PDE4D: variants seen among roughly 807,000 people sequenced by gnomAD.
The protein encoded by PDE4D is phosphodiesterase 4D.
A neutral mutation model predicts 87.4 loss-of-function variants in PDE4D; 24 were observed. The ratio of observed to expected loss-of-function variants is 0.27; its 90% CI spans 0.20 to 0.39. PDE4D has a LOEUF of 0.39. PDE4D is among the 10% of genes least tolerant of loss of function. PDE4D has a pLI of 1.00. For synonymous variants in PDE4D, 384 were observed against 383.2 expected (o/e 1.00, Z -0.02); for missense variants, 714 against 1,041.0 (o/e 0.69, Z 4.32).
chr5:59,708,368 G>C (rs1753747253), intron 1 of PDE4D, among the ~76,000 whole-genome samples: 1 of 152,160 alleles, frequency 6.6e-6, no homozygotes, highest in African/African-American at 2.4e-5. Flanking sequence ...GAAAAATCAA[G>C]GAATACAGGA....
At chr5:59,608,667 T>C (rs1020208271) in intron 1 of PDE4D, among the ~76,000 whole-genome samples, 1 of 152,164 alleles carries the variant, frequency 6.6e-6, no homozygotes, top group Admixed American at 6.6e-5. Context: ...AGCCAAGATT[T>C]ACATAAGAGT....
chr5:59,697,453 T>C (rs1359884887), intron 1 of PDE4D, among the ~76,000 whole-genome samples: 1 of 152,094 alleles, frequency 6.6e-6, no homozygotes, highest in East Asian at 1.9e-4. Flanking sequence ...ACAGGAACTT[T>C]CTATGTTCTA....
At chr5:59,345,513 G>A (rs1358031609) in intron 1 of PDE4D, among the ~76,000 whole-genome samples, 1 of 152,094 alleles carries the variant, frequency 6.6e-6, no homozygotes, top group African/African-American at 2.4e-5. Context: ...TCTTATTTTA[G>A]TCACTTAATT....
chr5:59,157,630 A>C (rs1286489256), intron 5 of PDE4D, among the ~76,000 whole-genome samples: 1 of 152,254 alleles, frequency 6.6e-6, no homozygotes, highest in East Asian at 1.9e-4. Flanking sequence ...AATGAGAAGA[A>C]TGTATATTGG....
intron 2 of PDE4D, among the ~76,000 whole-genome samples, chr5:59,202,768 A>C (rs372655711): frequency 9.2e-5 from 14 of 152,162 alleles, no homozygotes; most frequent in East Asian, 7.7e-4. Context: ...TAAGATGTGA[A>C]TTGCTCCTCC....
chr5:59,311,278 G>A (rs1158507973), intron 1 of PDE4D, among the ~76,000 whole-genome samples: 10 of 152,078 alleles, frequency 6.6e-5, no homozygotes, highest in African/African-American at 2.4e-4. Context: ...TATAATTCCA[G>A]CACTTTATGA....
chr5:60,365,983 G>T (rs1760504220), intron 1 of PDE4D, among the ~76,000 whole-genome samples: 1 of 150,586 alleles, frequency 6.6e-6, no homozygotes, highest in African/African-American at 2.5e-5. Context: ...GGCAGAGGTT[G>T]CAGTGAGCCA....
chr5:59,669,603 C>T (rs1746848805), intron 1 of PDE4D, among the ~76,000 whole-genome samples: 1 of 152,136 alleles, frequency 6.6e-6, no homozygotes, highest in African/African-American at 2.4e-5. Flanking sequence ...CTATGGCATG[C>T]TGGACATAAT....
chr5:59,140,621 C>T (rs1265291367), intron 5 of PDE4D, among the ~76,000 whole-genome samples: 1 of 152,116 alleles, frequency 6.6e-6, no homozygotes, highest in Admixed American at 6.5e-5. Flanking sequence ...AGGTTAGAAA[C>T]AATTTTTAAG....
chr5:59,132,384 G>A (rs1297926327), intron 5 of PDE4D, among the ~76,000 whole-genome samples: 6 of 152,226 alleles, frequency 3.9e-5, no homozygotes, highest in Admixed American at 2.0e-4. Context: ...AGTTTTCGTA[G>A]AAATATAGTT....
intron 1 of PDE4D, among the ~76,000 whole-genome samples, chr5:59,756,556 G>A (rs543838394): frequency 1.1e-5 from 1 of 93,726 alleles, no homozygotes; most frequent in East Asian, 2.3e-4. Flanking sequence ...ACTGAGTCAT[G>A]GTGACAAAGT....
Position 59,428,061 on chromosome 5 carries a change from T to C in PDE4D, c.456-212093A>G, listed in dbSNP as rs1256047114. Among the ~76,000 whole-genome samples, 8 of 152,164 alleles carry C rather than the reference T, an allele frequency of 5.3e-5. No individual in the cohort carries two copies. The East Asian group carries it at 1.3e-3, about 26-fold the overall frequency. On this transcript the variant is annotated intron_variant, in intron 1 of 14. Coordinates refer to ENST00000340635, the MANE Select transcript of PDE4D (RefSeq NM_001104631.2). ...TTAAGATTTAGTATGTTAACTGCTTTCTTGATGTCTTCATTGCTGCTCTTG... is the reference window on the plus strand; with the variant it reads ...TTAAGATTTAGTATGTTAACTGCTTCCTTGATGTCTTCATTGCTGCTCTTG...
At chr5:59,559,247 T>C (rs1819517696) in intron 1 of PDE4D, among the ~76,000 whole-genome samples, 1 of 152,234 alleles carries the variant, frequency 6.6e-6, no homozygotes, top group Admixed American at 6.5e-5. Context: ...AATATTGATT[T>C]ATTGAAAATA....
chr5:59,469,448 AAAC>A (rs1246238122), intron 1 of PDE4D, among the ~76,000 whole-genome samples: 4 of 152,216 alleles, frequency 2.6e-5, no homozygotes, highest in African/African-American at 9.6e-5. Context: ...AATAAGTGGC[AAAC>A]ATCAGTAGTT....
chr5:59,010,914 T>C (rs796860223), intron 6 of PDE4D, among the ~76,000 whole-genome samples: 4 of 152,232 alleles, frequency 2.6e-5, no homozygotes, highest in African/African-American at 7.2e-5. Flanking sequence ...TGACACCTCA[T>C]ACAGCCAGAT....
intron 2 of PDE4D, among the ~76,000 whole-genome samples, chr5:59,210,067 G>C (rs980899317): frequency 1.3e-5 from 2 of 152,248 alleles, no homozygotes; most frequent in African/African-American, 4.8e-5. Flanking sequence ...AACTGGGGAA[G>C]AGATGATTTG....
At chr5:59,599,943 A>G (rs959985842) in intron 1 of PDE4D, among the ~76,000 whole-genome samples, 19 of 152,208 alleles carry the variant, frequency 1.2e-4, no homozygotes, top group African/African-American at 4.6e-4. Flanking sequence ...GACCTGGCAG[A>G]TGTTGAAAGC....
chr5:60,487,372 T>C (rs1749233550), intron 1 of PDE4D, among the ~76,000 whole-genome samples: 1 of 152,236 alleles, frequency 6.6e-6, no homozygotes, highest in Non-Finnish European at 1.5e-5. Flanking sequence ...ACAGAACCAC[T>C]GAAGAGCATT....
At chr5:59,269,180 G>A (rs1581691888) in intron 1 of PDE4D, among the ~76,000 whole-genome samples, 2 of 151,994 alleles carry the variant, frequency 1.3e-5, no homozygotes, top group Non-Finnish European at 2.9e-5. Context: ...TAGAAAAAGA[G>A]GGTGGAGAAC....
Sources: gnomAD v4.1 joint callset for allele counts (sites outside exome capture counted in the v4.1 genomes callset) on GRCh38, gnomAD v4.1.1 for gene constraint, MANE v1.5 for transcripts, NCBI Gene and HGNC (gene_info 2026-07-23, HGNC 2026-07-21) for gene names.